Variants in DRC3 observed in about 807,000 individuals in gnomAD.
DRC3 encodes the protein leucine rich repeat containing 48.
A neutral mutation model predicts 57.6 loss-of-function variants in DRC3; 45 were observed. That is an observed-to-expected ratio of 0.78 (90% CI 0.62 to 1.00). The LOEUF (loss-of-function observed/expected upper bound fraction) is 1.00. Among genes scored for constraint, DRC3 ranks in the 50% least tolerant of loss-of-function variants. The probability of loss-of-function intolerance (pLI) is 0.00; values close to 1 mark genes in which losing one functional copy is unlikely to be tolerated. For missense variants in DRC3, 655 were observed against 675.2 expected (o/e 0.97, Z 0.33); for synonymous variants, 257 against 272.3 (o/e 0.94, Z 0.55).
intron 6 of DRC3, 109 bp from the exon 7 acceptor site, chr17:17,994,190 A>G: frequency 7.0e-7 from 1 of 1,433,122 alleles, no homozygotes; most frequent in Non-Finnish European, 9.4e-7. Flanking sequence ...CCCCTGTGCA[A>G]CACCCCTGCC....
rs1266471836 is a variant in DRC3 at position 17,996,023 on chromosome 17, G to GT, written c.824+919dup. 1.7e-4 allele frequency among the ~76,000 whole-genome samples: 24 copies of GT among 145,366 alleles called. No individual in the cohort carries two copies. The East Asian group carries it at 3.1e-3, about 19-fold the overall frequency. ...AAAGAAAGAGGTTTTTGGTTTTTTT[G>GT]TTTTTTTGTTTTTTGAGACAGCGTT... On this transcript the variant is annotated intron_variant, in intron 8 of 13. Transcript: ENST00000399187.
rs765749169 is a variant in DRC3, at chr17:17,997,583, C to T, written c.948C>T (p.Asn316=). 2 of 1,611,302 alleles carry T rather than the reference C, an allele frequency of 1.2e-6. No individual in the cohort carries two copies. The highest frequency in any genetic ancestry group is 1.7e-5 in the Admixed American group (1 of 59,556). The change falls in exon 9 of 14, where the codon AAC becomes AAT. Residue 316 remains asparagine (N), a synonymous_variant. Transcript: ENST00000399187. ...GTGTCCGTGAGGCCATCCAGGAAAA[C>T]CAGGAGCAGGGCAAACGCAAGATTG... is the stretch of plus-strand genomic sequence containing the variant. ...SECVREAIQE[N]QEQGKRKIAK...
chr17:17,977,541 GAA>G, intron 2 of DRC3, 39 bp from the exon 3 acceptor site: 1 of 1,611,760 alleles, frequency 6.2e-7, no homozygotes, highest in Non-Finnish European at 8.5e-7. Flanking sequence ...CTCAAACAGA[GAA>G]AGAAGCAGGC....
At chr17:17,977,526 C>G in intron 2 of DRC3, 56 bp from the exon 3 acceptor site, 1 of 1,603,704 alleles carries the variant, frequency 6.2e-7, no homozygotes, top group Non-Finnish European at 8.5e-7. Flanking sequence ...CAGCCAGACC[C>G]TGCCCTCAAA....
chr17:18,000,811 G>A (rs1292431710), intron 9 of DRC3, among the ~76,000 whole-genome samples: 2 of 152,050 alleles, frequency 1.3e-5, no homozygotes, highest in Non-Finnish European at 2.9e-5. Context: ...AACCATTTGT[G>A]TTTTTTATTC....
intron 4 of DRC3, among the ~76,000 whole-genome samples, 200 bp downstream of exon 4, chr17:17,984,144 A>G (rs568041038): frequency 7.9e-5 from 12 of 152,340 alleles, no homozygotes; most frequent in African/African-American, 2.9e-4. Context: ...GGCAAAGTGC[A>G]GCAAAGATGT....
At position 17,977,775 on chromosome 17, in the gene DRC3, CA is replaced by C; in HGVS notation, c.160+18del. 1 of 1,565,116 alleles carries C rather than the reference CA, an allele frequency of 6.4e-7. No individual in the cohort carries two copies. Among genetic ancestry groups the C allele is most frequent in the East Asian group, 2.3e-5 (1 of 44,284 alleles). ...ACTTTCGGAGTATGTATCCAAGGTT[CA>C]GGGGTGGTGGCCAGGGTGGGCCCTC... On this transcript the variant is annotated intron_variant, in intron 3 of 13. Transcript: ENST00000399187.
intron 12 of DRC3, chr17:18,007,856 G>A (rs748426659): frequency 1.1e-5 from 11 of 1,008,754 alleles, no homozygotes; most frequent in African/African-American, 8.7e-5. Flanking sequence ...TCTCTCTGTC[G>A]CGACATCACC....
chr17:17,973,259 C>T (rs1002375834), intron 1 of DRC3, among the ~76,000 whole-genome samples: 5 of 152,134 alleles, frequency 3.3e-5, no homozygotes, highest in African/African-American at 7.2e-5. Flanking sequence ...CGTCTTCCAG[C>T]CTCCTTTCAT....
chr17:18,011,327 C>T (rs572149882), intron 12 of DRC3: 11 of 347,088 alleles, frequency 3.2e-5, no homozygotes, highest in East Asian at 2.5e-4. Context: ...AGGTTCAAGG[C>T]GTTTGTTGCC....
chr17:17,987,493 A>G (rs937178536), intron 4 of DRC3, among the ~76,000 whole-genome samples: 1 of 152,194 alleles, frequency 6.6e-6, no homozygotes, highest in African/African-American at 2.4e-5. Context: ...GGCTGCTGTC[A>G]GAGGATATAC....
Position 17,994,371 on chromosome 17 carries a change from C to A in DRC3, c.664C>A (p.Gln222Lys). ...LKHQENLMQA[Q>K]LEDEQAQREE... ...GCACCAGGAGAACCTGATGCAGGCC[C>A]AGCTGGAGGACGAGCAGGCGCAGCG... The change falls in exon 7 of 14, where the codon CAG becomes AAG. Residue 222 changes from glutamine (Q) to lysine (K), a missense_variant. Transcript: ENST00000399187. The A allele has an allele frequency of 6.4e-7, 1 of 1,555,400 alleles. No homozygotes were observed. Among genetic ancestry groups the A allele is most frequent in the Non-Finnish European group, 8.7e-7 (1 of 1,149,476 alleles).
rs533671808 is a variant in DRC3, at chr17:18,008,583, A to G, written c.1326+1436A>G. Among the ~76,000 whole-genome samples the G allele has an allele frequency of 6.6e-6, 1 of 152,314 alleles. No individual in the cohort carries two copies. Among genetic ancestry groups the G allele is most frequent in the African/African-American group, 2.4e-5 (1 of 41,576 alleles). On this transcript the variant is annotated intron_variant, in intron 12 of 13. Transcript: ENST00000399187. The surrounding 1 kb of genome is among the most constrained non-coding windows in gnomAD (Gnocchi z 4.3). Reference sequence around the variant, plus strand: ...ATATGGGGCTAAGTCTTGCAGACACACAGGACCAGCAGTCCCTGACTTCCA... The same window carrying G: ...ATATGGGGCTAAGTCTTGCAGACACGCAGGACCAGCAGTCCCTGACTTCCA...
Position 17,994,411 on chromosome 17 carries a change from A to G in DRC3, c.704A>G (p.Lys235Arg). ...DEQAQREELEKHKTAFVEHLN... is the reference protein window; with the variant it reads ...DEQAQREELERHKTAFVEHLN... ...CAGGCGCAGCGGGAGGAGCTAGAGA[A>G]GCACAAGGTACCGTTCCGGCAGGCT... is the stretch of plus-strand genomic sequence containing the variant. Residue 235 changes from lysine (K) to arginine (R), a missense_variant, in exon 7 of 14, where the codon AAG becomes AGG. Physicochemically the swap from Lys to Arg is conservative, Grantham distance 26. Transcript: ENST00000399187. 6.4e-7 allele frequency: 1 copy of G among 1,552,314 alleles called. No homozygotes were observed. Among genetic ancestry groups the G allele is most frequent in the East Asian group, 2.4e-5 (1 of 40,946 alleles).
chr17:18,001,602 C>A (rs1568518748), intron 9 of DRC3, among the ~76,000 whole-genome samples: 1 of 152,100 alleles, frequency 6.6e-6, no homozygotes, highest in Non-Finnish European at 1.5e-5. Flanking sequence ...TTTTATCTTG[C>A]AATGTTGTCT....
intron 5 of DRC3, among the ~76,000 whole-genome samples, chr17:17,989,824 C>T (rs2043142803): frequency 6.6e-6 from 1 of 152,206 alleles, no homozygotes; most frequent in Non-Finnish European, 1.5e-5. Flanking sequence ...TCTTTGGCTT[C>T]AGAGATATCT....
At chr17:17,987,885 T>A (rs775666094) in intron 4 of DRC3, 47 bp from the exon 5 acceptor site, 1 of 1,598,396 alleles carries the variant, frequency 6.3e-7, no homozygotes, top group East Asian at 2.2e-5. Flanking sequence ...GGACAGCCCA[T>A]CCCCTGACCC....
At chr17:17,988,245 C>A in intron 5 of DRC3, 147 bp downstream of exon 5, 1 of 859,474 alleles carries the variant, frequency 1.2e-6, no homozygotes, top group Non-Finnish European at 1.7e-6. Context: ...TGGATTACTC[C>A]ATGAGGGATT....
At chr17:18,014,081 C>T (rs1306995920) in intron 12 of DRC3, among the ~76,000 whole-genome samples, 2 of 152,032 alleles carry the variant, frequency 1.3e-5, no homozygotes, top group African/African-American at 2.4e-5. Flanking sequence ...TACAGGCACC[C>T]GCCACCATGC....
Sources: gnomAD v4.1 joint callset for allele counts (sites outside exome capture counted in the v4.1 genomes callset) on GRCh38, gnomAD v4.1.1 for gene constraint, Gnocchi (gnomAD v3.1) non-coding constraint, MANE v1.5 for transcripts, NCBI Gene and HGNC (gene_info 2026-07-23, HGNC 2026-07-21) for gene names.